CAPN7: variants seen among roughly 807,000 people sequenced by gnomAD.
CAPN7 encodes calpain-7.
In CAPN7, 72 loss-of-function variants were observed where a neutral mutation model predicts 115.2. The observed-to-expected ratio is 0.63, with a 90% confidence interval of 0.52 to 0.76. The LOEUF (loss-of-function observed/expected upper bound fraction) is 0.76. Ranked by LOEUF, CAPN7 falls within the 30% of genes least tolerant of loss-of-function variation. The probability of loss-of-function intolerance (pLI) is 0.00; values close to 1 mark genes in which losing one functional copy is unlikely to be tolerated. For synonymous variants in CAPN7, 344 were observed against 322.3 expected (o/e 1.07, Z -0.72); for missense variants, 905 against 971.5 (o/e 0.93, Z 0.91).
At position 15,239,938 on chromosome 3, in the gene CAPN7, A is replaced by G. The variant is rs545739667; in HGVS notation, c.1408-535A>G. Among the ~76,000 whole-genome samples, 5 of 152,380 alleles carry G rather than the reference A, an allele frequency of 3.3e-5. No individual in the cohort carries two copies. The South Asian group carries it at 1.0e-3, about 32-fold the overall frequency. ...GGGAACAGCATGATCAATTGCCTTT[A>G]GAGGCAAAATTGAATAAGGATTTTA... On this transcript the variant is annotated intron_variant, in intron 12 of 20. Transcript: ENST00000253693.
chr3:15,240,927 A>T, intron 14 of CAPN7, 74 bp downstream of exon 14: 2 of 946,254 alleles, frequency 2.1e-6, no homozygotes, highest in Non-Finnish European at 3.3e-6. Context: ...TAATGGTGCC[A>T]GGCGCAGTGG....
chr3:15,250,997 T>A lies in CAPN7; in HGVS notation c.2271T>A (p.Phe757Leu). Residue 757 changes from phenylalanine to leucine, a missense_variant, in exon 20 of 21, where the codon TTT (phenylalanine) becomes TTA (leucine). Physicochemically the swap from Phe to Leu is conservative, Grantham distance 22. Transcript: ENST00000253693. ...STLGDPGPHG[F>L]LRKSSGDYRC... The stretch of plus-strand genomic sequence containing the variant: ...TAGGAGATCCTGGTCCCCATGGCTT[T>A]CTGAGGAAATCTAGTGGTGACTATA... 1 of 1,613,530 alleles carries A rather than the reference T, an allele frequency of 6.2e-7. No individual in the cohort carries two copies. The highest frequency in any genetic ancestry group is 1.1e-5 in the South Asian group (1 of 91,072).
At chr3:15,234,972 T>G (rs1312929270) in intron 11 of CAPN7, 53 bp from the exon 12 acceptor site, 2 of 1,535,560 alleles carry the variant, frequency 1.3e-6, no homozygotes, top group Non-Finnish European at 1.8e-6. Flanking sequence ...TGGTGTGATC[T>G]TAGATTACAA....
intron 5 of CAPN7, among the ~76,000 whole-genome samples, chr3:15,221,499 C>T (rs1380782470): frequency 6.6e-6 from 1 of 151,630 alleles, no homozygotes; most frequent in Non-Finnish European, 1.5e-5. Flanking sequence ...GGCTTTAGTT[C>T]CAGTATATTT....
chr3:15,242,331 C>T (rs1695398103), intron 16 of CAPN7, 78 bp downstream of exon 16: 1 of 888,756 alleles, frequency 1.1e-6, no homozygotes, highest in East Asian at 2.7e-5. Flanking sequence ...AAAAATGACA[C>T]ATTTTATGTA....
At position 15,206,412 on chromosome 3, in the gene CAPN7, CGCCGCCGCCGG is replaced by C. The variant is rs979107569; in HGVS notation, c.-75_-65del. ...TCCTTCCGCGGCGCTCCCGAGTCCTCGCCGCCGCCGGGCCGCCGCAGTCCGCGAAGAGCCGT... is the reference window on the plus strand; with the variant it reads ...TCCTTCCGCGGCGCTCCCGAGTCCTCGCCGCCGCAGTCCGCGAAGAGCCGT... On this transcript the variant is annotated 5_prime_UTR_variant, in exon 1 of 21. Coordinates refer to ENST00000253693, the MANE Select transcript of CAPN7 (RefSeq NM_014296.3). 6 of 1,063,770 alleles carry C rather than the reference CGCCGCCGCCGG, an allele frequency of 5.6e-6. No individual in the cohort carries two copies. In the African/African-American group the frequency reaches 6.7e-5, roughly 12 times the overall value. 65.9% of individuals were successfully genotyped at this position (1,063,770 alleles called of 1,614,324 possible).
In CAPN7 at chr3:15,206,516, G is replaced by A. The variant is rs1326289072; in HGVS notation, c.21G>A (p.Glu7=). MDATAL[E]RDAVQFARLA... is the part of the protein sequence containing the mutation. ...GCGCCATGGACGCCACAGCACTGGAGCGGGACGCTGTGCAGTTCGCCCGTC... is the reference window on the plus strand; with the variant it reads ...GCGCCATGGACGCCACAGCACTGGAACGGGACGCTGTGCAGTTCGCCCGTC... Residue 7 remains glutamate (E), a synonymous_variant, in exon 1 of 21, where the codon GAG becomes GAA. Transcript: ENST00000253693. 6.4e-7 allele frequency: 1 copy of A among 1,553,176 alleles called. No homozygotes were observed. The highest frequency in any genetic ancestry group is 1.2e-5 in the South Asian group (1 of 84,126).
At position 15,217,575 on chromosome 3, in the gene CAPN7, T is replaced by C; in HGVS notation, c.362T>C (p.Leu121Pro). 3 of 1,611,974 alleles carry C rather than the reference T, an allele frequency of 1.9e-6. No individual in the cohort carries two copies. Among genetic ancestry groups the C allele is most frequent in the Non-Finnish European group, 2.5e-6 (3 of 1,179,122 alleles). The change falls in exon 3 of 21, where the codon CTG becomes CCG. Residue 121 changes from leucine to proline, a missense_variant. Leu to Pro is a moderately conservative substitution (Grantham distance 98). This residue lies in a region of CAPN7 where 271 missense variants were observed against 239.6 expected (regional missense o/e 1.13). Transcript: ENST00000253693. ...TACACAGAAGCTGTGGATCTCTGTC[T>C]GAAAACAGTGTGTATAGCTACAAAT... is the stretch of plus-strand genomic sequence containing the variant. ...ELYTEAVDLC[L>P]KTSYETADKV...
At chr3:15,217,840 A>T (rs1180127187) in intron 3 of CAPN7, among the ~76,000 whole-genome samples, 1 of 152,260 alleles carries the variant, frequency 6.6e-6, no homozygotes, top group East Asian at 1.9e-4. Context: ...CAACTAAAAT[A>T]AACTTACAGA....
In CAPN7 at chr3:15,247,434, AC is replaced by A. The variant is rs1179212817; in HGVS notation, c.2182del (p.Leu728Ter). On this transcript the variant is annotated frameshift_variant, in exon 19 of 21. Coordinates refer to ENST00000253693, the MANE Select transcript of CAPN7 (RefSeq NM_014296.3). LOFTEE classifies it high-confidence loss of function. Reference protein sequence around the residue: ...QFHIEKTGPLLIELRGPRQYS... With the variant: ...QFHIEKTGPLXIELRGPRQYS... Reference sequence around the variant, plus strand: ...TCCATATAGAAAAGACTGGGCCGTTACTGATTGAGCTACGAGGACCAAGGTT... The same window carrying A: ...TCCATATAGAAAAGACTGGGCCGTTATGATTGAGCTACGAGGACCAAGGTT... 6.2e-7 allele frequency: 1 copy of A among 1,603,010 alleles called. No homozygotes were observed. Among genetic ancestry groups the A allele is most frequent in the Admixed American group, 1.8e-5 (1 of 57,090 alleles).
In CAPN7 at chr3:15,222,885, T is replaced by TA. The variant is rs1694084763; in HGVS notation, c.639-589dup. The stretch of plus-strand genomic sequence containing the variant: ...TTACCTAAAGACTAAATTCTGAAGT[T>TA]ACTCTGCAACATCTCATAAATAGAA... On this transcript the variant is annotated intron_variant, in intron 5 of 20. Transcript: ENST00000253693. 2.0e-5 allele frequency among the ~76,000 whole-genome samples: 3 copies of TA among 152,344 alleles called. No individual in the cohort carries two copies. The South Asian group carries it at 6.2e-4, about 32-fold the overall frequency.
chr3:15,242,556 C>T (rs1279880940), intron 16 of CAPN7, among the ~76,000 whole-genome samples: 1 of 152,150 alleles, frequency 6.6e-6, no homozygotes, highest in East Asian at 1.9e-4. Flanking sequence ...TTTCCTTGAA[C>T]TTCTGGATAA....
chr3:15,209,781 C>T (rs2044832163), intron 1 of CAPN7, among the ~76,000 whole-genome samples: 1 of 152,156 alleles, frequency 6.6e-6, no homozygotes, highest in African/African-American at 2.4e-5. Context: ...TGCACTGCCC[C>T]TTGTTTCCTA....
At chr3:15,237,387 A>G (rs1193234538) in intron 12 of CAPN7, among the ~76,000 whole-genome samples, 2 of 152,222 alleles carry the variant, frequency 1.3e-5, no homozygotes, top group East Asian at 1.9e-4. Flanking sequence ...CCACTATGAT[A>G]TATGTAGTTC....
In CAPN7 at chr3:15,212,069, A is replaced by G. The variant is rs764161167; in HGVS notation, c.103-35A>G. ...ATAAAGAAAATTCAAGTTGTAATACATCTATTGGATTCCTTTGAATTCTTT... is the reference window on the plus strand; with the variant it reads ...ATAAAGAAAATTCAAGTTGTAATACGTCTATTGGATTCCTTTGAATTCTTT... On this transcript the variant is annotated intron_variant, in intron 1 of 20. Coordinates refer to ENST00000253693, the MANE Select transcript of CAPN7 (RefSeq NM_014296.3). 9.8e-6 allele frequency: 13 copies of G among 1,331,410 alleles called. 1 individual carries two copies. The South Asian group carries it at 1.5e-4, about 15-fold the overall frequency. 82.5% of individuals were successfully genotyped at this position (1,331,410 alleles called of 1,614,324 possible). A position where few individuals can be genotyped will look rare whatever the true frequency, so the allele number is the denominator to read the frequency against.
At chr3:15,213,786 A>C (rs1294976929) in intron 2 of CAPN7, among the ~76,000 whole-genome samples, 1 of 152,212 alleles carries the variant, frequency 6.6e-6, no homozygotes, top group African/African-American at 2.4e-5. Context: ...ATAAATTCTA[A>C]ACATTGATAT....
intron 3 of CAPN7, among the ~76,000 whole-genome samples, chr3:15,218,025 G>C (rs1038808056): frequency 2.6e-5 from 4 of 152,148 alleles, no homozygotes; most frequent in African/African-American, 9.7e-5. Context: ...TAGCTTCAAG[G>C]GACATCTAGT....
chr3:15,230,371 G>C, intron 8 of CAPN7, 71 bp from the exon 9 acceptor site: 1 of 978,142 alleles, frequency 1.0e-6, no homozygotes, highest in Non-Finnish European at 1.6e-6. Context: ...ATACCTGAAT[G>C]AAATGTGCTG....
intron 1 of CAPN7, among the ~76,000 whole-genome samples, chr3:15,207,286 C>A (rs2044682093): frequency 1.3e-5 from 2 of 151,984 alleles, no homozygotes; most frequent in Non-Finnish European, 2.9e-5. Flanking sequence ...AGTAAACATG[C>A]AGCATAAAAG....
Sources: allele counts gnomAD v4.1 joint callset (sites outside exome capture counted in the v4.1 genomes callset), GRCh38; gene constraint gnomAD v4.1.1; regional missense constraint gnomAD v4.1.1; transcripts MANE v1.5; gene names NCBI Gene and HGNC (gene_info 2026-07-23, HGNC 2026-07-21).